RPS6KA3: variants seen among roughly 807,000 people sequenced by gnomAD.
RPS6KA3 encodes ribosomal protein S6 kinase A3.
RPS6KA3 carries 4 observed loss-of-function variants against 67.2 expected under a neutral mutation model. That is an observed-to-expected ratio of 0.06 (90% confidence interval 0.03 to 0.14). The LOEUF (loss-of-function observed/expected upper bound fraction) is 0.14, where lower values mean the gene tolerates loss of function less well. Among genes scored for constraint, RPS6KA3 ranks in the 10% least tolerant of loss-of-function variants. The probability of loss-of-function intolerance (pLI) is 1.00; values close to 1 mark genes in which losing one functional copy is unlikely to be tolerated. For missense variants in RPS6KA3, 204 were observed against 559.0 expected (o/e 0.36, Z 6.40); for synonymous variants, 182 against 183.7 (o/e 0.99, Z 0.07).
chrX:20,266,524 G>A (rs759044903), intron 1 of RPS6KA3, 40 bp downstream of exon 1: 643 of 1,077,271 alleles, frequency 6.0e-4, no homozygotes, highest in South Asian at 2.1e-3. Context: ...GGGGGCGCGA[G>A]GAGGAGATGC....
At chrX:20,191,879 G>A (rs749330668) in intron 7 of RPS6KA3, among the ~76,000 whole-genome samples, 30 of 110,553 alleles carry the variant, frequency 2.7e-4, no homozygotes, top group Admixed American at 2.6e-3. Context: ...CGATTCTCCT[G>A]CCTCAGTCTC....
chrX:20,253,165 C>T (rs1243824127), intron 1 of RPS6KA3, among the ~76,000 whole-genome samples: 1 of 93,938 alleles, frequency 1.1e-5, no homozygotes, highest in African/African-American at 4.0e-5. Flanking sequence ...GAAATGGGTG[C>T]TTAGGTCTCT....
intron 1 of RPS6KA3, among the ~76,000 whole-genome samples, chrX:20,237,262 T>A (rs2069435255): frequency 9.0e-6 from 1 of 111,254 alleles, no homozygotes; most frequent in Non-Finnish European, 1.9e-5. Flanking sequence ...CAAACCAGAT[T>A]TTTTCATTAA....
intron 20 of RPS6KA3, among the ~76,000 whole-genome samples, chrX:20,159,485 G>C (rs1158547102): frequency 1.8e-5 from 2 of 112,120 alleles, no homozygotes; most frequent in Non-Finnish European, 3.8e-5. Context: ...ATTATATCAT[G>C]CTTGTAATCA....
chrX:20,250,431 G>A (rs2069832208), intron 1 of RPS6KA3, among the ~76,000 whole-genome samples: 1 of 111,776 alleles, frequency 8.9e-6, no homozygotes, highest in South Asian at 3.8e-4. Flanking sequence ...CTGGCCTCAA[G>A]TGATCCTCCC....
chrX:20,160,933 ACT>A (rs200525820), intron 20 of RPS6KA3, among the ~76,000 whole-genome samples: 1,865 of 110,562 alleles, frequency 0.017, 37 homozygotes, highest in African/African-American at 0.05. Context: ...CTCTTTATCT[ACT>A]CTGTTTTTAT....
intron 17 of RPS6KA3, 74 bp from the exon 18 acceptor site, chrX:20,165,134 G>A: frequency 1.3e-6 from 1 of 787,222 alleles, no homozygotes; most frequent in Non-Finnish European, 2.0e-6. Context: ...TTCACAAACT[G>A]TCAAGCAATG....
intron 19 of RPS6KA3, 43 bp downstream of exon 19, chrX:20,162,921 T>C: frequency 2.3e-6 from 2 of 885,491 alleles, no homozygotes; most frequent in Non-Finnish European, 3.3e-6. Context: ...AAAACATTGA[T>C]GAACAAATGC....
intron 2 of RPS6KA3, among the ~76,000 whole-genome samples, chrX:20,230,953 TA>T (rs1362191100): frequency 9.0e-6 from 1 of 111,474 alleles, no homozygotes; most frequent in East Asian, 2.8e-4. Context: ...GAACTGTATG[TA>T]AAAAACTATA....
rs1438302821 is a variant in RPS6KA3 at position 20,266,738 on chromosome X, G to A, written c.-106C>T. 8.6e-6 allele frequency: 3 copies of A among 347,291 alleles called. No individual in the cohort carries two copies. The highest frequency in any genetic ancestry group is 1.0e-5 in the Non-Finnish European group (3 of 300,811). 28.6% of individuals were successfully genotyped at this position (347,291 alleles called of 1,213,427 possible). A position where few individuals can be genotyped will look rare whatever the true frequency, so the allele number is the denominator to read the frequency against. ...GCCCCACGGCAGCGGCGGCGGCGGCGGCGGCGGCGGCAGCGGCAGCGGCAG... is the reference window on the plus strand; with the variant it reads ...GCCCCACGGCAGCGGCGGCGGCGGCAGCGGCGGCGGCAGCGGCAGCGGCAG... On this transcript the variant is annotated 5_prime_UTR_variant, in exon 1 of 22. Transcript: ENST00000379565.
chrX:20,176,069 C>T (rs2067691710), intron 13 of RPS6KA3, among the ~76,000 whole-genome samples, 181 bp downstream of exon 13: 1 of 111,180 alleles, frequency 9.0e-6, no homozygotes, highest in Non-Finnish European at 1.9e-5. Flanking sequence ...CAGCGTTTCA[C>T]TATGTTGGCC....
intron 14 of RPS6KA3, among the ~76,000 whole-genome samples, chrX:20,173,597 C>A (rs2067625437): frequency 8.9e-6 from 1 of 111,918 alleles, no homozygotes; most frequent in Admixed American, 9.5e-5. Context: ...GACATCCATG[C>A]CTATGAGCTT....
At chrX:20,169,874 C>A (rs759968374) in intron 15 of RPS6KA3, among the ~76,000 whole-genome samples, 1 of 110,539 alleles carries the variant, frequency 9.0e-6, no homozygotes, top group African/African-American at 3.4e-5. Flanking sequence ...TCTAACCCCC[C>A]ATCAATACAG....
At chrX:20,164,648 G>A (rs776745224) in intron 18 of RPS6KA3, among the ~76,000 whole-genome samples, 1 of 110,894 alleles carries the variant, frequency 9.0e-6, no homozygotes, top group Non-Finnish European at 1.9e-5. Context: ...GCCTCCCAAA[G>A]TGCTCGGATT....
chrX:20,246,318 T>C (rs1002561744), intron 1 of RPS6KA3, among the ~76,000 whole-genome samples: 4 of 109,883 alleles, frequency 3.6e-5, no homozygotes, highest in African/African-American at 1.3e-4. Context: ...TACAGTTCAG[T>C]ATGCCCAGCC....
chrX:20,222,169 G>C (rs1389381586), intron 2 of RPS6KA3, among the ~76,000 whole-genome samples: 2 of 112,464 alleles, frequency 1.8e-5, no homozygotes, highest in Non-Finnish European at 3.8e-5. Context: ...TCCTCAAACA[G>C]AATGAACAGC....
chrX:20,260,424 C>A (rs927348072), intron 1 of RPS6KA3, among the ~76,000 whole-genome samples: 4 of 111,783 alleles, frequency 3.6e-5, no homozygotes, highest in African/African-American at 1.3e-4. Flanking sequence ...AACAAACTTT[C>A]CTTTCTTCCT....
At position 20,150,840 on chromosome X, in the gene RPS6KA3, C is replaced by T. The variant is rs761656990; in HGVS notation, c.*4558G>A. The T allele has an allele frequency of 8.9e-6, 1 of 112,380 alleles. No individual in the cohort carries two copies. Among genetic ancestry groups the T allele is most frequent in the Admixed American group, 9.5e-5 (1 of 10,529 alleles). The allele number at this position is 112,380 out of a possible 1,213,427, so 9.3% of individuals were successfully genotyped here. ...TTAAATCTCTACATTTTCCTTTCCA[C>T]TAATCTCTATTCAAAATGTCATATA... On this transcript the variant is annotated 3_prime_UTR_variant, in exon 22 of 22. Coordinates refer to ENST00000379565, the MANE Select transcript of RPS6KA3 (RefSeq NM_004586.3).
chrX:20,158,385 AAAAG>A (rs1257485229), intron 20 of RPS6KA3, among the ~76,000 whole-genome samples: 2 of 96,800 alleles, frequency 2.1e-5, no homozygotes, highest in Admixed American at 2.2e-4. Context: ...AAAAAAAAAA[AAAAG>A]AGAGAGAGAG....
Sources: gnomAD v4.1 joint callset for allele counts (sites outside exome capture counted in the v4.1 genomes callset) on GRCh38, gnomAD v4.1.1 for gene constraint, MANE v1.5 for transcripts, NCBI Gene and HGNC (gene_info 2026-07-23, HGNC 2026-07-21) for gene names.